The following ASH1L variants were observed in gnomAD, a reference collection of about 807,000 sequenced individuals.
The protein encoded by ASH1L is ASH1 like histone lysine methyltransferase.
In ASH1L, 23 loss-of-function variants were observed where a neutral mutation model predicts 269.0. The ratio of observed to expected loss-of-function variants is 0.09; its 90% confidence interval spans 0.06 to 0.12. The LOEUF (loss-of-function observed/expected upper bound fraction) is 0.12, where lower values mean the gene tolerates loss of function less well. Among genes scored for constraint, ASH1L ranks in the 10% least tolerant of loss-of-function variants. ASH1L has a pLI of 1.00. For missense variants in ASH1L, 2,912 were observed against 3,567.8 expected (o/e 0.82, Z 4.68); for synonymous variants, 1,187 against 1,253.5 (o/e 0.95, Z 1.12).
intron 2 of ASH1L, among the ~76,000 whole-genome samples, chr1:155,511,426 CA>C (rs554072943): frequency 7.9e-5 from 12 of 152,324 alleles, no homozygotes; most frequent in South Asian, 2.1e-4. Context: ...GGAGACTTTC[CA>C]AACTTCAATC....
At chr1:155,350,628 TTTG>T (rs1230101114) in intron 17 of ASH1L, among the ~76,000 whole-genome samples, 4 of 152,026 alleles carry the variant, frequency 2.6e-5, no homozygotes, top group Non-Finnish European at 5.9e-5. Context: ...TTAATAGTAA[TTTG>T]TTTGGCTGGG....
At chr1:155,540,339 T>C (rs1670342731) in intron 1 of ASH1L, among the ~76,000 whole-genome samples, 1 of 152,208 alleles carries the variant, frequency 6.6e-6, no homozygotes. Flanking sequence ...AACTAATATA[T>C]GAAAAGTACT....
rs371275778 is a variant in ASH1L, at chr1:155,543,343, T to A, written c.-100+18810A>T. 1.2e-4 allele frequency among the ~76,000 whole-genome samples: 18 copies of A among 151,496 alleles called. No homozygotes were observed. The East Asian group carries it at 3.3e-3, about 28-fold the overall frequency. ...CTGGCCAACATGGTGAAACTCTATC[T>A]CTACTAAAAATACAAAAATCAGCCA... On this transcript the variant is annotated intron_variant, in intron 1 of 27. Coordinates refer to ENST00000392403, the MANE Select transcript of ASH1L (RefSeq NM_018489.3).
intron 15 of ASH1L, among the ~76,000 whole-genome samples, chr1:155,355,081 C>T (rs1163584491): frequency 7.2e-5 from 11 of 152,010 alleles, no homozygotes. Context: ...TTTGAGTCGA[C>T]GTCTCCCTCT....
intron 2 of ASH1L, among the ~76,000 whole-genome samples, chr1:155,512,704 G>A (rs1442539621): frequency 1.3e-5 from 2 of 151,376 alleles, no homozygotes; most frequent in African/African-American, 2.4e-5. Context: ...CACCCGCCTC[G>A]GCCTCCCAAA....
rs1027066014 is a variant in ASH1L at position 155,338,775 on chromosome 1, G to T, written c.8502-385C>A. 2.0e-5 allele frequency among the ~76,000 whole-genome samples: 3 copies of T among 152,006 alleles called. No homozygotes were observed. The South Asian group carries it at 6.2e-4, about 32-fold the overall frequency. On this transcript the variant is annotated intron_variant, in intron 26 of 27. Transcript: ENST00000392403. ...TATTTAAATGGAGTTTTAAATTTTC[G>T]TGCTTCCCTTTTTCATATCAATAGT...
At chr1:155,350,494 A>G (rs973094374) in intron 17 of ASH1L, among the ~76,000 whole-genome samples, 1 of 152,228 alleles carries the variant, frequency 6.6e-6, no homozygotes, top group Non-Finnish European at 1.5e-5. Context: ...CCTGTGAAGA[A>G]TGAGAGATGG....
chr1:155,338,312 T>G lies in ASH1L; in HGVS notation c.8580A>C (p.Glu2860Asp). ...CTTGCTCTTGACTGGCTAGAACCTC[T>G]TCAATCAAGGGTAGAGCATCATCCT... ...GQEDDALPLI[E>D]EVLASQEQAA... The change falls in exon 27 of 28, where the codon GAA (glutamate) becomes GAC (aspartate). Residue 2860 changes from glutamate (E) to aspartate (D), a missense_variant. Coordinates refer to ENST00000392403, the MANE Select transcript of ASH1L (RefSeq NM_018489.3). 6.2e-7 allele frequency: 1 copy of G among 1,614,114 alleles called. No homozygotes were observed. The highest frequency in any genetic ancestry group is 8.5e-7 in the Non-Finnish European group (1 of 1,180,026).
chr1:155,462,893 A>C (rs565385021), intron 3 of ASH1L, among the ~76,000 whole-genome samples: 30 of 152,318 alleles, frequency 2.0e-4, no homozygotes, highest in Admixed American at 1.7e-3. Context: ...TATTTCACTT[A>C]AAAGCAGTGC....
At chr1:155,521,076 C>A in intron 2 of ASH1L, 24 bp downstream of exon 2, 1 of 1,560,864 alleles carries the variant, frequency 6.4e-7, no homozygotes. Flanking sequence ...TCAATAACCA[C>A]ATATTGTTAG....
chr1:155,563,180 C>T (rs1173649528), upstream of ASH1L: 4 of 456,718 alleles, frequency 8.8e-6, no homozygotes, highest in South Asian at 4.6e-5. Context: ...CTCTGCCCAC[C>T]GGTGGTTGGA....
intron 10 of ASH1L, among the ~76,000 whole-genome samples, chr1:155,378,032 A>C (rs535172226): frequency 4.3e-4 from 65 of 152,122 alleles, no homozygotes; most frequent in African/African-American, 8.7e-4. Context: ...CAAAAAAAAA[A>C]CAAAACAAAA....
intron 3 of ASH1L, among the ~76,000 whole-genome samples, chr1:155,469,762 T>A (rs554613236): frequency 6.6e-6 from 1 of 152,228 alleles, no homozygotes; most frequent in Non-Finnish European, 1.5e-5. Context: ...TAATATTTTG[T>A]GGGAGCAGTT....
At position 155,400,845 on chromosome 1, in the gene ASH1L, C is replaced by T. The variant is rs369793488; in HGVS notation, c.6009-5292G>A. The stretch of plus-strand genomic sequence containing the variant: ...TCACCTATTTACAGGGAGAGACGGT[C>T]CAGACCCAGACAAAAGATAAATTAA... On this transcript the variant is annotated intron_variant, in intron 6 of 27. Coordinates refer to ENST00000392403, the MANE Select transcript of ASH1L (RefSeq NM_018489.3). Among the ~76,000 whole-genome samples, 20 of 152,224 alleles carry T rather than the reference C, an allele frequency of 1.3e-4. 1 individual carries two copies. The East Asian group carries it at 2.1e-3, about 16-fold the overall frequency.
rs770783557 is a variant in ASH1L at position 155,479,142 on chromosome 1, C to T, written c.3728G>A (p.Ser1243Asn). The T allele has an allele frequency of 3.1e-6, 5 of 1,614,020 alleles. No homozygotes were observed. The East Asian group carries it at 8.9e-5, about 29-fold the overall frequency. The change falls in exon 3 of 28, where the codon AGT becomes AAT. Residue 1243 changes from serine to asparagine, a missense_variant. Physicochemically the swap from Ser to Asn is conservative, Grantham distance 46 (BLOSUM62 1). Around this residue, in one of 13 missense-constraint regions of ASH1L, gnomAD observed 789 missense variants for 897.6 expected, o/e 0.88. Coordinates refer to ENST00000392403, the MANE Select transcript of ASH1L (RefSeq NM_018489.3). ...TTTGTGTTTATGTTTTTCTTTAAGA[C>T]TGCTTAGCACTGTAGAGGTTTCAGG... is the stretch of plus-strand genomic sequence containing the variant. ...IPPETSTVLS[S>N]LKEKHKHKCK...
At chr1:155,510,976 T>C (rs959389168) in intron 2 of ASH1L, among the ~76,000 whole-genome samples, 1 of 152,072 alleles carries the variant, frequency 6.6e-6, no homozygotes, top group Non-Finnish European at 1.5e-5. Context: ...CAGTTGAAAA[T>C]CATGTTATTA....
rs181171008 is a variant in ASH1L at position 155,351,020 on chromosome 1, G to C, written c.7367-1424C>G. Among the ~76,000 whole-genome samples, 8 of 142,930 alleles carry C rather than the reference G, an allele frequency of 5.6e-5. No individual in the cohort carries two copies. In the East Asian group the frequency reaches 1.7e-3, roughly 31 times the overall value. 93.8% of individuals were successfully genotyped at this position (142,930 alleles called of 152,430 possible). A position where few individuals can be genotyped will look rare whatever the true frequency, so the allele number is the denominator to read the frequency against. On this transcript the variant is annotated intron_variant, in intron 17 of 27. Coordinates refer to ENST00000392403, the MANE Select transcript of ASH1L (RefSeq NM_018489.3). Reference sequence around the variant, plus strand: ...TGGGAGGCTGAGGTGGGCAGATCACGAGGTCAAGAGATTGAGACCATCCTG... The same window carrying C: ...TGGGAGGCTGAGGTGGGCAGATCACCAGGTCAAGAGATTGAGACCATCCTG...
At position 155,518,089 on chromosome 1, in the gene ASH1L, C is replaced by T. The variant is rs558591963; in HGVS notation, c.420+3011G>A. Among the ~76,000 whole-genome samples, 25 of 152,214 alleles carry T rather than the reference C, an allele frequency of 1.6e-4. No individual in the cohort carries two copies. The South Asian group carries it at 4.8e-3, about 29-fold the overall frequency. On this transcript the variant is annotated intron_variant, in intron 2 of 27. Coordinates refer to ENST00000392403, the MANE Select transcript of ASH1L (RefSeq NM_018489.3). Reference sequence around the variant, plus strand: ...TGCTGGGATTACAGGCGTGAGCCACCACGCCCGGCCCAATAATTTCTTTAA... The same window carrying T: ...TGCTGGGATTACAGGCGTGAGCCACTACGCCCGGCCCAATAATTTCTTTAA...
At chr1:155,531,015 G>A (rs1312192778) in intron 1 of ASH1L, among the ~76,000 whole-genome samples, 1 of 152,016 alleles carries the variant, frequency 6.6e-6, no homozygotes. Context: ...AAAATTAGCT[G>A]GGTGTGGTGG....
Sources: gnomAD v4.1 joint callset for allele counts (sites outside exome capture counted in the v4.1 genomes callset) on GRCh38, gnomAD v4.1.1 for gene constraint, gnomAD v4.1.1 regional missense constraint, MANE v1.5 for transcripts, NCBI Gene and HGNC (gene_info 2026-07-23, HGNC 2026-07-21) for gene names.